UPRT: variants seen among roughly 807,000 people sequenced by gnomAD.
The protein encoded by UPRT is uracil phosphoribosyltransferase homolog.
UPRT carries 5 observed loss-of-function variants against 22.6 expected under a neutral mutation model. The ratio of observed to expected loss-of-function variants is 0.22; its 90% CI spans 0.12 to 0.47. UPRT has a LOEUF of 0.47. Ranked by LOEUF, UPRT falls within the 20% of genes least tolerant of loss-of-function variation. UPRT has a pLI of 0.99. For missense variants in UPRT, 181 were observed against 239.9 expected (o/e 0.75, Z 1.62); for synonymous variants, 77 against 87.7 (o/e 0.88, Z 0.68).
At chrX:75,178,984 CCCTGAGCTAGA>C (rs2082259846) in intron 4 of UPRT, among the ~76,000 whole-genome samples, 1 of 111,453 alleles carries the variant, frequency 9.0e-6, no homozygotes, top group Non-Finnish European at 1.9e-5. Flanking sequence ...CGTTTACAAT[CCCTGAGCTAGA>C]TAAAAAGGTT....
chrX:75,256,741 T>C (rs1253109847), intron 4 of UPRT, among the ~76,000 whole-genome samples: 1 of 111,823 alleles, frequency 8.9e-6, no homozygotes, highest in African/African-American at 3.2e-5. Context: ...CTATGAACAC[T>C]TGTATTTGCA....
At chrX:75,185,775 T>C (rs1188364660) in intron 4 of UPRT, among the ~76,000 whole-genome samples, 1 of 112,191 alleles carries the variant, frequency 8.9e-6, no homozygotes, top group Non-Finnish European at 1.9e-5. Context: ...GATGAATTTA[T>C]CCATTTCTTC....
intron 4 of UPRT, among the ~76,000 whole-genome samples, chrX:75,213,193 A>G (rs1217441990): frequency 8.9e-6 from 1 of 112,259 alleles, no homozygotes; most frequent in Non-Finnish European, 1.9e-5. Context: ...ACATGCCAGT[A>G]ACATACATGA....
chrX:75,171,990 G>A (rs2082229397), intron 4 of UPRT, among the ~76,000 whole-genome samples: 2 of 111,776 alleles, frequency 1.8e-5, no homozygotes, highest in Non-Finnish European at 3.8e-5. Context: ...AGGTGACAGG[G>A]GAGTGAAATG....
chrX:75,206,937 T>A (rs2082368828), intron 4 of UPRT, among the ~76,000 whole-genome samples: 1 of 112,578 alleles, frequency 8.9e-6, no homozygotes, highest in Non-Finnish European at 1.9e-5. Context: ...GTGTTGAGAT[T>A]ACAGGCGTGA....
At chrX:75,273,350 T>C (rs1015300266), upstream of UPRT, among the ~76,000 whole-genome samples, 2 of 110,924 alleles carry the variant, frequency 1.8e-5, no homozygotes, top group African/African-American at 6.6e-5. Flanking sequence ...AAAAGATTCT[T>C]GTATCCCATC....
chrX:75,291,330 T>A, intron 1 of UPRT: 1 of 295,477 alleles, frequency 3.4e-6, no homozygotes, highest in Middle Eastern at 5.9e-4. Context: ...ATTGTGATAA[T>A]TTTACATTAG....
chrX:75,262,546 G>A (rs1480742402), intron 4 of UPRT, among the ~76,000 whole-genome samples: 1 of 111,170 alleles, frequency 9.0e-6, no homozygotes, highest in Non-Finnish European at 1.9e-5. Flanking sequence ...CCCATCTCAC[G>A]TGCAAAGACA....
intron 4 of UPRT, among the ~76,000 whole-genome samples, chrX:75,251,445 G>A (rs910989704): frequency 9.0e-6 from 1 of 111,164 alleles, no homozygotes; most frequent in Non-Finnish European, 1.9e-5. Flanking sequence ...CAAATCATGA[G>A]TGAACTCCCA....
intron 1 of UPRT, among the ~76,000 whole-genome samples, chrX:75,157,101 AT>A: frequency 8.9e-6 from 1 of 112,474 alleles, no homozygotes; most frequent in South Asian, 3.6e-4. Context: ...TGTCACCACT[AT>A]TATCAAACAA....
chrX:75,241,124 A>G (rs1193148706), intron 4 of UPRT, among the ~76,000 whole-genome samples: 1 of 111,382 alleles, frequency 9.0e-6, no homozygotes, highest in Non-Finnish European at 1.9e-5. Context: ...AAAAATCAGC[A>G]GAGTTAACAG....
chrX:75,303,327 G>A (rs2082750708), intron 6 of UPRT, 78 bp from the exon 7 acceptor site: 1 of 712,652 alleles, frequency 1.4e-6, no homozygotes, highest in Admixed American at 2.8e-5. Flanking sequence ...TAGACCTAGT[G>A]GCAATAACTA....
chrX:75,188,905 C>T (rs1247013579), intron 4 of UPRT, among the ~76,000 whole-genome samples: 2 of 111,562 alleles, frequency 1.8e-5, no homozygotes, highest in African/African-American at 6.5e-5. Context: ...CACTGACCTG[C>T]GCCTACTGTC....
chrX:75,286,261 G>A (rs2082679421), intron 1 of UPRT, among the ~76,000 whole-genome samples: 1 of 89,648 alleles, frequency 1.1e-5, no homozygotes, highest in African/African-American at 4.3e-5. Flanking sequence ...TTTATGTTAA[G>A]TATGTCCTAA....
chrX:75,288,992 T>C (rs2082694378), intron 1 of UPRT, among the ~76,000 whole-genome samples: 1 of 111,560 alleles, frequency 9.0e-6, no homozygotes, highest in South Asian at 3.8e-4. Context: ...CAGTAGTGTT[T>C]CAGAATACAA....
chrX:75,184,371 C>G (rs1187477404), intron 4 of UPRT, among the ~76,000 whole-genome samples: 1 of 108,423 alleles, frequency 9.2e-6, no homozygotes, highest in Non-Finnish European at 1.9e-5. Flanking sequence ...CTGTTCTGTT[C>G]CATTGATCTA....
chrX:75,294,663 T>G lies in UPRT; in HGVS notation c.429+1149T>G, dbSNP rs753417396. ...AGAGACCAATTTTATTTAAAATTAT[T>G]TGAGTTTTCATTGGCAGTAATAACC... On this transcript the variant is annotated intron_variant, in intron 2 of 6. Transcript: ENST00000373383. The G allele has an allele frequency of 5.5e-6, 5 of 905,360 alleles. No homozygotes were observed. The Admixed American group carries it at 1.7e-4, about 31-fold the overall frequency. The allele number at this position is 905,360 out of a possible 1,213,427, so 74.6% of individuals were successfully genotyped here. A position where few individuals can be genotyped will look rare whatever the true frequency, so the allele number is the denominator to read the frequency against.
chrX:75,231,307 T>C (rs1188733908), intron 4 of UPRT, among the ~76,000 whole-genome samples: 2 of 111,492 alleles, frequency 1.8e-5, no homozygotes, highest in Admixed American at 9.5e-5. Context: ...GCAAAATACA[T>C]TGGAAACTTT....
At chrX:75,274,810 GTGTGTGTC>G (rs752774737) in intron 1 of UPRT, 170 bp downstream of exon 1, 1 of 404,996 alleles carries the variant, frequency 2.5e-6, no homozygotes, top group Non-Finnish European at 3.9e-6. Flanking sequence ...GTGTGTGTGT[GTGTGTGTC>G]GTGTAACTCG....
Sources: gnomAD v4.1 joint callset for allele counts (sites outside exome capture counted in the v4.1 genomes callset) on GRCh38, gnomAD v4.1.1 for gene constraint, MANE v1.5 for transcripts, NCBI Gene and HGNC (gene_info 2026-07-23, HGNC 2026-07-21) for gene names.